CDC42BPA: variants seen among roughly 807,000 people sequenced by gnomAD.
CDC42BPA encodes the protein serine/threonine-protein kinase MRCK alpha.
In CDC42BPA, 80 loss-of-function variants were observed where a neutral mutation model predicts 223.5. The observed-to-expected ratio is 0.36, with a 90% CI of 0.30 to 0.43. The LOEUF is 0.43. CDC42BPA is among the 20% of genes least tolerant of loss of function. CDC42BPA has a pLI of 1.00. For synonymous variants in CDC42BPA, 694 were observed against 718.6 expected (o/e 0.97, Z 0.55); for missense variants, 1,743 against 2,099.9 (o/e 0.83, Z 3.32).
At chr1:227,099,408 C>T (rs573700257) in intron 15 of CDC42BPA, among the ~76,000 whole-genome samples, 6 of 151,942 alleles carry the variant, frequency 3.9e-5, no homozygotes, top group African/African-American at 1.4e-4. Flanking sequence ...CTGTAAGCTT[C>T]ATTCATGGTA....
intron 19 of CDC42BPA, among the ~76,000 whole-genome samples, chr1:227,073,601 TTTA>T (rs1192544309): frequency 6.6e-6 from 1 of 152,068 alleles, no homozygotes; most frequent in African/African-American, 2.4e-5. Flanking sequence ...TCAACTAAAT[TTTA>T]TGAGGAAAAT....
intron 5 of CDC42BPA, among the ~76,000 whole-genome samples, chr1:227,161,106 T>C (rs1245977139): frequency 7.9e-5 from 12 of 152,326 alleles, no homozygotes; most frequent in Non-Finnish European, 1.5e-4. Flanking sequence ...AATTGCTTCA[T>C]AAAGTTGATT....
At chr1:227,291,306 T>C (rs1038848731) in intron 1 of CDC42BPA, among the ~76,000 whole-genome samples, 2 of 152,100 alleles carry the variant, frequency 1.3e-5, no homozygotes, top group African/African-American at 4.8e-5. Context: ...CCCAGCAGTT[T>C]GGGAGGCCGA....
chr1:226,997,594 TA>T (rs1558242908), intron 35 of CDC42BPA, among the ~76,000 whole-genome samples: 1 of 152,254 alleles, frequency 6.6e-6, no homozygotes, highest in East Asian at 1.9e-4. Context: ...TTTAGTGCTA[TA>T]AATTTCCCTC....
rs1553374261 is a variant in CDC42BPA, at chr1:227,168,497, G to GTTTTTTTTTTTTGTTTTTTTTTT, written c.600-7862_600-7861insAAAAAAAAAACAAAAAAAAAAAA. Among the ~76,000 whole-genome samples, 633 of 80,136 alleles carry GTTTTTTTTTTTTGTTTTTTTTTT rather than the reference G, an allele frequency of 7.9e-3. 4 individuals are homozygous for GTTTTTTTTTTTTGTTTTTTTTTT. The highest frequency in any genetic ancestry group is 0.013 in the Middle Eastern group (1 of 78). 52.6% of individuals were successfully genotyped at this position (80,136 alleles called of 152,430 possible). On this transcript the variant is annotated intron_variant, in intron 5 of 36. Transcript: ENST00000366766. ...CTTTTTCATATTTATCTTCCCTGGT[G>GTTTTTTTTTTTTGTTTTTTTTTT]TTTTTTTTTTTTTTTTGAGGCAGAG...
At chr1:227,098,311 A>G (rs1273314896) in intron 15 of CDC42BPA, among the ~76,000 whole-genome samples, 1 of 152,172 alleles carries the variant, frequency 6.6e-6, no homozygotes, top group Non-Finnish European at 1.5e-5. Flanking sequence ...GTTTTCATAC[A>G]GTCTCAGAGG....
intron 4 of CDC42BPA, among the ~76,000 whole-genome samples, chr1:227,196,162 G>C (rs1233812041): frequency 6.6e-6 from 1 of 151,674 alleles, no homozygotes; most frequent in Non-Finnish European, 1.5e-5. Flanking sequence ...CAATAAATGA[G>C]TTATGTGTCC....
At chr1:226,999,110 G>A (rs1310252278) in intron 35 of CDC42BPA, among the ~76,000 whole-genome samples, 1 of 151,650 alleles carries the variant, frequency 6.6e-6, no homozygotes, top group Non-Finnish European at 1.5e-5. Flanking sequence ...TCTCATGCCA[G>A]TTAGAATGGT....
chr1:227,044,611 G>A (rs754560285), intron 23 of CDC42BPA, among the ~76,000 whole-genome samples: 34 of 152,120 alleles, frequency 2.2e-4, no homozygotes, highest in Non-Finnish European at 4.4e-4. Context: ...GGGCAGAGCT[G>A]GGGTGGAAAG....
At position 227,193,990 on chromosome 1, in the gene CDC42BPA, T is replaced by C. The variant is rs1251486261; in HGVS notation, c.451-56A>G. 1.6e-5 allele frequency: 21 copies of C among 1,278,766 alleles called. No homozygotes were observed. In the South Asian group the frequency reaches 3.0e-4, roughly 18 times the overall value. The allele number at this position is 1,278,766 out of a possible 1,614,324, so 79.2% of individuals were successfully genotyped here. A position where few individuals can be genotyped will look rare whatever the true frequency, so the allele number is the denominator to read the frequency against. Reference sequence around the variant, plus strand: ...TAAACTAATAAGGGTGAAAAATCAATATACTGTATCCCAAGGTCAACAGGA... The same window carrying C: ...TAAACTAATAAGGGTGAAAAATCAACATACTGTATCCCAAGGTCAACAGGA... On this transcript the variant is annotated intron_variant, in intron 4 of 36. Coordinates refer to ENST00000366766, the MANE Select transcript of CDC42BPA (RefSeq NM_001394014.1).
At chr1:227,184,296 C>T (rs1668407657) in intron 5 of CDC42BPA, among the ~76,000 whole-genome samples, 1 of 151,954 alleles carries the variant, frequency 6.6e-6, no homozygotes, top group Non-Finnish European at 1.5e-5. Flanking sequence ...ATATTTTCTT[C>T]CAACAGTTTT....
At chr1:227,090,727 T>G (rs1194315161) in intron 16 of CDC42BPA, among the ~76,000 whole-genome samples, 1 of 151,952 alleles carries the variant, frequency 6.6e-6, no homozygotes, top group South Asian at 2.1e-4. Flanking sequence ...AGGAGAATTG[T>G]TTGAACCCAG....
rs757320822 is a variant in CDC42BPA at position 227,026,242 on chromosome 1, A to G, written c.4433-90T>C. 8.3e-4 allele frequency: 559 copies of G among 672,200 alleles called. 3 individuals are homozygous for G. Among genetic ancestry groups the G allele is most frequent in the Middle Eastern group, 3.3e-3 (13 of 3,990 alleles). 41.6% of individuals were successfully genotyped at this position (672,200 alleles called of 1,614,324 possible). A position where few individuals can be genotyped will look rare whatever the true frequency, so the allele number is the denominator to read the frequency against. ...AAAGGTCTACACTAAATAACTGTAG[A>G]GTGGAATCCCACCCAAATCCTATGG... On this transcript the variant is annotated intron_variant, in intron 30 of 36. Coordinates refer to ENST00000366766, the MANE Select transcript of CDC42BPA (RefSeq NM_001394014.1).
At chr1:227,023,700 T>C (rs986167837) in intron 31 of CDC42BPA, among the ~76,000 whole-genome samples, 2 of 152,118 alleles carry the variant, frequency 1.3e-5, no homozygotes, top group African/African-American at 2.4e-5. Context: ...AAAAACTAAA[T>C]GCATACATAT....
chr1:227,252,777 A>C (rs1682250671), intron 2 of CDC42BPA, among the ~76,000 whole-genome samples: 1 of 152,222 alleles, frequency 6.6e-6, no homozygotes, highest in African/African-American at 2.4e-5. Context: ...AACAAAGTAA[A>C]GGAGAAAAAC....
intron 20 of CDC42BPA, among the ~76,000 whole-genome samples, chr1:227,071,269 T>C (rs1003873378): frequency 1.1e-4 from 16 of 151,944 alleles, no homozygotes; most frequent in Admixed American, 1.3e-4. Context: ...CTGTGTTGCA[T>C]GGCTGAGAAA....
chr1:227,234,760 G>A (rs1418739065), intron 2 of CDC42BPA: 1 of 152,208 alleles, frequency 6.6e-6, no homozygotes, highest in South Asian at 2.1e-4. Context: ...CTCACTACAC[G>A]CCTTCCTACA....
At chr1:227,088,802 T>C (rs866977204) in intron 16 of CDC42BPA, among the ~76,000 whole-genome samples, 6 of 152,298 alleles carry the variant, frequency 3.9e-5, no homozygotes, top group Non-Finnish European at 7.4e-5. Context: ...CTCGGCTCAC[T>C]GCTACCTCCA....
At chr1:227,047,684 A>G (rs1181047036) in intron 23 of CDC42BPA, among the ~76,000 whole-genome samples, 1 of 152,204 alleles carries the variant, frequency 6.6e-6, no homozygotes, top group East Asian at 1.9e-4. Flanking sequence ...TATACTGCTT[A>G]GAGGAAGTGC....
Sources: allele counts gnomAD v4.1 joint callset (sites outside exome capture counted in the v4.1 genomes callset), GRCh38; gene constraint gnomAD v4.1.1; transcripts MANE v1.5; gene names NCBI Gene and HGNC (gene_info 2026-07-23, HGNC 2026-07-21).